MRTFA: variants seen among roughly 807,000 people sequenced by gnomAD.
The protein encoded by MRTFA is myocardin-related transcription factor A.
Under a neutral mutation model 83.5 loss-of-function variants are expected in MRTFA, and 20 were observed. That is an observed-to-expected ratio of 0.24 (90% CI 0.17 to 0.35). The LOEUF is 0.35. Ranked by LOEUF, MRTFA falls within the 10% of genes least tolerant of loss-of-function variation. MRTFA has a pLI of 1.00. For synonymous variants in MRTFA, 659 were observed against 541.2 expected, an observed-to-expected ratio of 1.22 and a Z score of -3.02; for missense variants, 1,200 against 1,224.7, an observed-to-expected ratio of 0.98 and a Z score of 0.30.
rs1040729223 is a variant in MRTFA, at chr22:40,417,386, T to C, written c.2472A>G (p.Glu824=). Residue 824 remains glutamate (E), a synonymous_variant, in exon 13 of 15, where the codon GAA becomes GAG. Coordinates refer to ENST00000355630, the MANE Select transcript of MRTFA (RefSeq NM_020831.6). ...TCATGGCTTCCTCATAGCCAGGTGG[T>C]TCCTTCTTCAGCAGAGAAGTGGGGG... is the stretch of plus-strand genomic sequence containing the variant. 1 of 1,611,396 alleles carries C rather than the reference T, an allele frequency of 6.2e-7. No individual in the cohort carries two copies. Among genetic ancestry groups the C allele is most frequent in the Non-Finnish European group, 8.5e-7 (1 of 1,179,668 alleles).
At position 40,468,335 on chromosome 22, in the gene MRTFA, C is replaced by A. The variant is rs975333607; in HGVS notation, c.242-5049G>T. On this transcript the variant is annotated intron_variant, in intron 3 of 14. Transcript: ENST00000355630. The stretch of plus-strand genomic sequence containing the variant: ...AACATGCAGTTGATAGCTGTTCCTA[C>A]CTTATACATGTATTGATTCCACCAA... Among the ~76,000 whole-genome samples the A allele has an allele frequency of 2.0e-5, 3 of 152,182 alleles. No homozygotes were observed. In the East Asian group the frequency reaches 5.8e-4, roughly 29 times the overall value.
At chr22:40,416,000 T>TC (rs759928903) in intron 14 of MRTFA, among the ~76,000 whole-genome samples, 32 of 151,606 alleles carry the variant, frequency 2.1e-4, no homozygotes, top group Middle Eastern at 3.4e-3. Flanking sequence ...GTGACAACAC[T>TC]CCAACTCCTA....
chr22:40,629,452 T>C lies in MRTFA; in HGVS notation c.-84+7026A>G, dbSNP rs1222253225. ...CAGAGCAAGACTCCGTCTCAAAACA[T>C]AATTAAAAAAAAAAAAATTACCCAA... On this transcript the variant is annotated intron_variant, in intron 1 of 14. Coordinates refer to ENST00000355630, the MANE Select transcript of MRTFA (RefSeq NM_020831.6). Among the ~76,000 whole-genome samples the C allele has an allele frequency of 4.3e-5, 5 of 117,406 alleles. No individual in the cohort carries two copies. The East Asian group carries it at 1.1e-3, about 26-fold the overall frequency. 77.0% of individuals were successfully genotyped at this position (117,406 alleles called of 152,430 possible). A position where few individuals can be genotyped will look rare whatever the true frequency, so the allele number is the denominator to read the frequency against.
At chr22:40,450,317 C>T (rs974682917) in intron 4 of MRTFA, among the ~76,000 whole-genome samples, 1 of 152,138 alleles carries the variant, frequency 6.6e-6, no homozygotes, top group Non-Finnish European at 1.5e-5. Flanking sequence ...AAGAAAGATG[C>T]CCATGGCCTT....
chr22:40,551,144 C>T (rs991619934), intron 3 of MRTFA, among the ~76,000 whole-genome samples: 1 of 151,864 alleles, frequency 6.6e-6, no homozygotes. Flanking sequence ...CCTCTTTATA[C>T]ATTTTCTCAA....
intron 3 of MRTFA, among the ~76,000 whole-genome samples, chr22:40,548,306 C>G (rs2055396393): frequency 7.5e-6 from 1 of 132,776 alleles, no homozygotes; most frequent in Non-Finnish European, 1.5e-5. Context: ...TTGCCGTGAG[C>G]CGAGATCACG....
intron 6 of MRTFA, 144 bp from the exon 7 acceptor site, chr22:40,429,911 C>G: frequency 1.2e-6 from 1 of 860,216 alleles, no homozygotes; most frequent in South Asian, 1.8e-5. Flanking sequence ...AGAAGAGTGG[C>G]CTGTCTTGAA....
intron 2 of MRTFA, among the ~76,000 whole-genome samples, chr22:40,577,966 TC>T (rs2147355250): frequency 6.6e-6 from 1 of 151,276 alleles, no homozygotes; most frequent in East Asian, 2.0e-4. Context: ...GATCTTTTTT[TC>T]CCCCGAGACA....
At chr22:40,630,705 A>T (rs1416941527) in intron 1 of MRTFA, among the ~76,000 whole-genome samples, 1 of 152,064 alleles carries the variant, frequency 6.6e-6, no homozygotes, top group Non-Finnish European at 1.5e-5. Context: ...TTAACTTTCT[A>T]ATTTATTTAT....
chr22:40,618,403 T>C (rs970444776), intron 1 of MRTFA, among the ~76,000 whole-genome samples: 2 of 151,896 alleles, frequency 1.3e-5, no homozygotes, highest in African/African-American at 4.8e-5. Flanking sequence ...TTTTTATATA[T>C]GGTAACCTCT....
At chr22:40,452,754 C>G (rs902459177) in intron 4 of MRTFA, among the ~76,000 whole-genome samples, 1 of 139,424 alleles carries the variant, frequency 7.2e-6, no homozygotes, top group Admixed American at 7.9e-5. Context: ...TTCAGTGAGC[C>G]AAGATTGCCC....
intron 7 of MRTFA, among the ~76,000 whole-genome samples, chr22:40,426,793 C>T (rs2052963328): frequency 6.6e-6 from 1 of 152,210 alleles, no homozygotes; most frequent in Non-Finnish European, 1.5e-5. Flanking sequence ...CATTGTTACA[C>T]TGTCCATTAC....
intron 3 of MRTFA, among the ~76,000 whole-genome samples, chr22:40,511,293 G>C (rs1262671459): frequency 2.0e-5 from 3 of 152,188 alleles, no homozygotes; most frequent in Non-Finnish European, 4.4e-5. Context: ...GAGGAATTGA[G>C]ACTGACTCCT....
Position 40,429,755 on chromosome 22 carries a change from T to C in MRTFA, c.452A>G (p.Glu151Gly). Residue 151 changes from glutamate to glycine, a missense_variant, in exon 7 of 15, where the codon GAG (glutamate) becomes GGG (glycine). Physicochemically the swap from Glu to Gly is moderately conservative, Grantham distance 98. Transcript: ENST00000355630. ...CAGCTGCTTGGCCTGGAGGGATGGC[T>C]CAGCCGAGGTCTCTGCCCATGGGAG... 1 of 1,612,282 alleles carries C rather than the reference T, an allele frequency of 6.2e-7. No homozygotes were observed. Among genetic ancestry groups the C allele is most frequent in the South Asian group, 1.1e-5 (1 of 90,986 alleles).
intron 2 of MRTFA, among the ~76,000 whole-genome samples, chr22:40,576,960 A>G (rs2147353510): frequency 6.6e-6 from 1 of 152,316 alleles, no homozygotes; most frequent in Non-Finnish European, 1.5e-5. Flanking sequence ...TCACGCCTGT[A>G]ATCCCAGCCC....
chr22:40,510,954 G>C (rs1198094185), intron 3 of MRTFA, among the ~76,000 whole-genome samples: 2 of 152,174 alleles, frequency 1.3e-5, no homozygotes, highest in Middle Eastern at 3.2e-3. Flanking sequence ...GGGACTGTGA[G>C]TTTGGAAGTG....
intron 1 of MRTFA, among the ~76,000 whole-genome samples, chr22:40,633,850 T>C (rs1370455125): frequency 6.6e-6 from 1 of 152,150 alleles, no homozygotes; most frequent in Non-Finnish European, 1.5e-5. Flanking sequence ...CTAACCTCTT[T>C]CATATTTACC....
chr22:40,521,429 AT>A (rs1054782711), intron 3 of MRTFA, among the ~76,000 whole-genome samples: 1 of 152,062 alleles, frequency 6.6e-6, no homozygotes, highest in Non-Finnish European at 1.5e-5. Context: ...AGGGTGTTTT[AT>A]TTCTAAAACG....
rs1020389273 is a variant in MRTFA, at chr22:40,498,073, G to A, written c.242-34787C>T. On this transcript the variant is annotated intron_variant, in intron 3 of 14. Coordinates refer to ENST00000355630, the MANE Select transcript of MRTFA (RefSeq NM_020831.6). ...GAGGACTGCTTGAGCCTGAGAGGTG[G>A]AGGGTGCAGTAAGCCAAGATCACAG... Among the ~76,000 whole-genome samples the A allele has an allele frequency of 5.9e-5, 9 of 151,866 alleles. 1 individual carries two copies. The highest frequency in any genetic ancestry group is 2.2e-4 in the African/African-American group (9 of 41,360).
Sources: allele counts gnomAD v4.1 joint callset (sites outside exome capture counted in the v4.1 genomes callset), GRCh38; gene constraint gnomAD v4.1.1; transcripts MANE v1.5; gene names NCBI Gene and HGNC (gene_info 2026-07-23, HGNC 2026-07-21).